The following RMP64 variants were observed in gnomAD, a reference collection of about 807,000 sequenced individuals.
RMP64 encodes the protein nucleolus and neural progenitor protein.
the RMP64 span, chr3:113,009,638 C>T: frequency 3.3e-5 from 5 of 152,170 alleles, no homozygotes; most frequent in African/African-American, 1.2e-4. Flanking sequence ...GCATTCAAAT[C>T]GCAGCTCTAC....
At chr3:113,016,609 C>A in the RMP64 span, among the ~76,000 whole-genome samples, 1 of 152,152 alleles carries the variant, frequency 6.6e-6, no homozygotes, top group African/African-American at 2.4e-5. Flanking sequence ...TAGGGAAAGA[C>A]CATGGTCCCA....
At chr3:113,019,524 G>T in the RMP64 span, 8 of 1,593,092 alleles carry the variant, frequency 5.0e-6, no homozygotes, top group South Asian at 8.9e-5. Flanking sequence ...CCCCATCCTC[G>T]CCCGGCGCCT....
chr3:113,017,003 A>T, the RMP64 span, among the ~76,000 whole-genome samples: 1 of 152,208 alleles, frequency 6.6e-6, no homozygotes, highest in African/African-American at 2.4e-5. Context: ...CATTTACTCT[A>T]ACATACCACC....
chr3:113,015,005 C>T, the RMP64 span: 2 of 152,190 alleles, frequency 1.3e-5, no homozygotes, highest in African/African-American at 4.8e-5. Context: ...TTGTTCCCTC[C>T]ATTATTCTTG....
chr3:113,008,429 T>G, the RMP64 span: 1 of 1,603,816 alleles, frequency 6.2e-7, no homozygotes, highest in East Asian at 2.2e-5. Context: ...AAAACTGGTC[T>G]CCTGAAACGT....
At chr3:113,008,335 A>G in the RMP64 span, 4 of 1,614,098 alleles carry the variant, frequency 2.5e-6, no homozygotes, top group Admixed American at 5.0e-5. Flanking sequence ...ATCTTTGCAC[A>G]AAACTTTTGG....
the RMP64 span, chr3:113,005,975 G>A: frequency 1.5e-5 from 24 of 1,612,838 alleles, no homozygotes; most frequent in Admixed American, 1.7e-4. Flanking sequence ...GCAAATAGAC[G>A]TTTTTATGCA....
At chr3:113,007,237 TCAGGA>T in the RMP64 span, among the ~76,000 whole-genome samples, 1 of 152,182 alleles carries the variant, frequency 6.6e-6, no homozygotes, top group African/African-American at 2.4e-5. Flanking sequence ...ACTTTATCCC[TCAGGA>T]ATATTCAACC....
chr3:113,005,843 A>C, the RMP64 span: 13 of 1,613,824 alleles, frequency 8.1e-6, no homozygotes, highest in South Asian at 1.1e-5. Flanking sequence ...AATTTCCCTT[A>C]AAAGAGTCGA....
the RMP64 span, among the ~76,000 whole-genome samples, chr3:113,017,904 T>C: frequency 6.6e-6 from 1 of 152,228 alleles, no homozygotes; most frequent in Admixed American, 6.5e-5. Context: ...TGTCAGTCAT[T>C]TGGTGTACAC....
chr3:113,006,078 A>G, the RMP64 span: 1 of 1,018,784 alleles, frequency 9.8e-7, no homozygotes, highest in African/African-American at 1.6e-5. Flanking sequence ...TAATTTACCA[A>G]CTGAAAAGAA....
chr3:113,005,078 G>A, the RMP64 span: 2,164 of 168,824 alleles, frequency 0.013, 49 homozygotes, highest in African/African-American at 0.049. Context: ...ACAAACTTTA[G>A]TATTCAGAGG....
At chr3:113,006,238 A>G in the RMP64 span, among the ~76,000 whole-genome samples, 6 of 152,158 alleles carry the variant, frequency 3.9e-5, no homozygotes, top group South Asian at 1.2e-3. Flanking sequence ...CAAACTCTCA[A>G]AAGTACAGCC....
the RMP64 span, chr3:113,012,977 A>G: frequency 3.2e-6 from 2 of 621,094 alleles, no homozygotes; most frequent in Non-Finnish European, 5.7e-6. Flanking sequence ...ATATGGTTAT[A>G]AACACTCTGC....
chr3:113,017,381 A>G, the RMP64 span: 7 of 1,281,174 alleles, frequency 5.5e-6, no homozygotes, highest in Admixed American at 4.1e-5. Flanking sequence ...ATAGCAATAT[A>G]GTAAGTGGCA....
the RMP64 span, among the ~76,000 whole-genome samples, chr3:113,007,361 A>C: frequency 6.6e-6 from 1 of 152,206 alleles, no homozygotes; most frequent in East Asian, 1.9e-4. Context: ...AAAATTTAAC[A>C]AATTTTCAAT....
At chr3:113,019,446 G>A in the RMP64 span, 8 of 996,750 alleles carry the variant, frequency 8.0e-6, no homozygotes, top group Non-Finnish European at 1.1e-5. Context: ...CCCCCGGGCC[G>A]GGAAGTCCCG....
At chr3:113,016,923 G>T in the RMP64 span, among the ~76,000 whole-genome samples, 2 of 152,216 alleles carry the variant, frequency 1.3e-5, no homozygotes, top group African/African-American at 4.8e-5. Context: ...CCCTGAGCTG[G>T]AGGGCCCAAT....
chr3:113,013,490 T>C, the RMP64 span: 38 of 1,190,680 alleles, frequency 3.2e-5, no homozygotes, highest in African/African-American at 5.5e-4. Flanking sequence ...TTTACCAGTT[T>C]ATTATAAAGG....
Sources: allele counts gnomAD v4.1 joint callset (sites outside exome capture counted in the v4.1 genomes callset), GRCh38; gene constraint gnomAD v4.1.1; transcripts MANE v1.5; gene names NCBI Gene and HGNC (gene_info 2026-07-23, HGNC 2026-07-21).